CRB1: variants seen among roughly 807,000 people sequenced by gnomAD.
CRB1 encodes the protein protein crumbs homolog 1.
A neutral mutation model predicts 120.0 loss-of-function variants in CRB1; 83 were observed. That is an observed-to-expected ratio of 0.69 (90% CI 0.58 to 0.83). The LOEUF is 0.83. Among genes scored for constraint, CRB1 ranks in the 40% least tolerant of loss-of-function variants. The pLI, the probability that CRB1 is intolerant of heterozygous loss-of-function variation, is 0.00. For missense variants in CRB1, 1,699 were observed against 1,687.6 expected, an observed-to-expected ratio of 1.01 and a Z score of -0.12; for synonymous variants, 625 against 612.5, an observed-to-expected ratio of 1.02 and a Z score of -0.30.
the CRB1 span, chr1:197,223,254 G>C: frequency 1.0e-6 from 1 of 982,124 alleles, no homozygotes. Flanking sequence ...CGAATAGATT[G>C]AATATTCCTT....
intron 3 of CRB1, among the ~76,000 whole-genome samples, chr1:197,345,574 T>C (rs1307889907): frequency 6.8e-6 from 1 of 147,596 alleles, no homozygotes; most frequent in African/African-American, 2.5e-5. Flanking sequence ...AGTGGTGTGA[T>C]CTTGGTTCAC....
intron 5 of CRB1, among the ~76,000 whole-genome samples, chr1:197,377,797 G>A (rs1014047334): frequency 6.6e-6 from 1 of 152,046 alleles, no homozygotes; most frequent in Non-Finnish European, 1.5e-5. Context: ...TGTTAAAAAT[G>A]AAACCTTTTT....
At chr1:197,341,789 A>T (rs566233201) in intron 2 of CRB1, among the ~76,000 whole-genome samples, 1 of 152,246 alleles carries the variant, frequency 6.6e-6, no homozygotes, top group East Asian at 1.9e-4. Flanking sequence ...TTTCCACACA[A>T]TCCTCTTTGA....
intron 5 of CRB1, among the ~76,000 whole-genome samples, chr1:197,366,020 T>C (rs1661053974): frequency 6.6e-6 from 1 of 152,160 alleles, no homozygotes; most frequent in African/African-American, 2.4e-5. Flanking sequence ...TTAAAAACAC[T>C]TGTGTTATAG....
intron 5 of CRB1, chr1:197,414,139 G>T: frequency 3.8e-6 from 1 of 265,248 alleles, no homozygotes; most frequent in Non-Finnish European, 7.7e-6. Context: ...AGGAAAAGTG[G>T]ATATATTTAT....
intron 11 of CRB1, among the ~76,000 whole-genome samples, chr1:197,461,255 G>A (rs1338060019): frequency 6.6e-6 from 1 of 152,150 alleles, no homozygotes; most frequent in African/African-American, 2.4e-5. Flanking sequence ...GAGCTGAAGA[G>A]GATCAGCTTC....
intron 1 of CRB1, among the ~76,000 whole-genome samples, chr1:197,318,340 G>A (rs1039295634): frequency 2.0e-5 from 3 of 152,236 alleles, no homozygotes; most frequent in Non-Finnish European, 2.9e-5. Flanking sequence ...AAAATCAGAA[G>A]ATAACAAGTG....
chr1:197,266,509 C>T (rs908772908), upstream of CRB1, among the ~76,000 whole-genome samples: 2 of 152,184 alleles, frequency 1.3e-5, no homozygotes, highest in African/African-American at 2.4e-5. Flanking sequence ...ACATTCAGAC[C>T]GCAGCATACC....
rs537748510 is a variant in CRB1, at chr1:197,371,113, CCA to C, written c.1171+14101_1171+14102del. Among the ~76,000 whole-genome samples, 18 of 152,212 alleles carry C rather than the reference CCA, an allele frequency of 1.2e-4. No homozygotes were observed. In the East Asian group the frequency reaches 3.3e-3, roughly 28 times the overall value. ...GTCTGTTGTCTTAACCACTTTTTTT[CCA>C]GTCATTGCCTCACTTACCTTCTGTC... On this transcript the variant is annotated intron_variant, in intron 5 of 11. Transcript: ENST00000367400.
the CRB1 span, among the ~76,000 whole-genome samples, chr1:197,255,490 G>T: frequency 6.6e-6 from 1 of 151,950 alleles, no homozygotes; most frequent in East Asian, 1.9e-4. Flanking sequence ...ATCTAGCCAT[G>T]GAAAATATTT....
the CRB1 span, among the ~76,000 whole-genome samples, chr1:197,252,947 G>T: frequency 1.6e-4 from 24 of 151,952 alleles, no homozygotes; most frequent in East Asian, 2.7e-3. Context: ...TCTTTACTCA[G>T]ATTATCAATT....
In CRB1 at chr1:197,435,036, A is replaced by C; in HGVS notation, c.3173A>C (p.Glu1058Ala). 1.9e-6 allele frequency: 3 copies of C among 1,613,970 alleles called. No homozygotes were observed. The highest frequency in any genetic ancestry group is 2.5e-6 in the Non-Finnish European group (3 of 1,179,908). ...TSRWQMEVDN[E>A]TPFVTSTIAT... is the part of the protein sequence containing the mutation. ...AGGTGGCAAATGGAAGTGGACAACGAAACACCTTTTGTGACCAGCACAATT... is the reference window on the plus strand; with the variant it reads ...AGGTGGCAAATGGAAGTGGACAACGCAACACCTTTTGTGACCAGCACAATT... The change falls in exon 9 of 12, where the codon GAA (glutamate) becomes GCA (alanine). Residue 1058 changes from glutamate (E) to alanine (A), a missense_variant. Glu to Ala is a moderately radical substitution (Grantham distance 107). Transcript: ENST00000367400.
chr1:197,204,039 TATG>T, the CRB1 span, among the ~76,000 whole-genome samples: 16 of 151,778 alleles, frequency 1.1e-4, no homozygotes, highest in Non-Finnish European at 2.4e-4. Flanking sequence ...AGTGAGAACA[TATG>T]ATATTTGGTT....
At chr1:197,332,842 T>G (rs1471153121) in intron 2 of CRB1, among the ~76,000 whole-genome samples, 2 of 152,220 alleles carry the variant, frequency 1.3e-5, no homozygotes, top group Non-Finnish European at 2.9e-5. Flanking sequence ...TTTATTTCAT[T>G]GCTATCCCAT....
At chr1:197,254,922 C>A in the CRB1 span, among the ~76,000 whole-genome samples, 1 of 152,092 alleles carries the variant, frequency 6.6e-6, no homozygotes, top group Non-Finnish European at 1.5e-5. Flanking sequence ...ATCTTATCTT[C>A]AACAGGGTCT....
intron 5 of CRB1, among the ~76,000 whole-genome samples, chr1:197,411,151 T>C (rs1663690568): frequency 6.6e-6 from 1 of 152,242 alleles, no homozygotes; most frequent in African/African-American, 2.4e-5. Context: ...ATCACTATCA[T>C]ATTAGCTTTC....
chr1:197,442,409 A>T (rs1665498121), intron 11 of CRB1, 117 bp downstream of exon 11: 1 of 1,603,270 alleles, frequency 6.2e-7, no homozygotes, highest in African/African-American at 1.3e-5. Context: ...GTGAACAGGA[A>T]GATTATTAAC....
At chr1:197,297,372 G>C (rs1656591557) in intron 1 of CRB1, among the ~76,000 whole-genome samples, 1 of 151,966 alleles carries the variant, frequency 6.6e-6, no homozygotes, top group African/African-American at 2.4e-5. Flanking sequence ...TTGGTTAATT[G>C]AATGTGTTAG....
intron 5 of CRB1, among the ~76,000 whole-genome samples, chr1:197,385,962 A>G (rs775002174): frequency 6.6e-6 from 1 of 152,104 alleles, no homozygotes; most frequent in Non-Finnish European, 1.5e-5. Context: ...ATTATCAAAA[A>G]GGAACTATCC....
Sources: gnomAD v4.1 joint callset for allele counts (sites outside exome capture counted in the v4.1 genomes callset) on GRCh38, gnomAD v4.1.1 for gene constraint, MANE v1.5 for transcripts, NCBI Gene and HGNC (gene_info 2026-07-23, HGNC 2026-07-21) for gene names.